KLF12: variants seen among roughly 807,000 people sequenced by gnomAD.
The protein encoded by KLF12 is KLF transcription factor 12.
Under a neutral mutation model 37.8 loss-of-function variants are expected in KLF12, and 9 were observed. The ratio of observed to expected loss-of-function variants is 0.24; its 90% CI spans 0.14 to 0.42. The LOEUF is 0.42. Ranked by LOEUF, KLF12 falls within the 10% of genes least tolerant of loss-of-function variation. The pLI is 1.00. For missense variants in KLF12, 411 were observed against 516.0 expected, an observed-to-expected ratio of 0.80 and a Z score of 1.97; for synonymous variants, 208 against 202.1, an observed-to-expected ratio of 1.03 and a Z score of -0.25.
At chr13:73,904,354 G>A (rs1252528712) in intron 3 of KLF12, among the ~76,000 whole-genome samples, 1 of 151,602 alleles carries the variant, frequency 6.6e-6, no homozygotes, top group Non-Finnish European at 1.5e-5. Context: ...TTCCTTGGAT[G>A]GTTTAATCTA....
chr13:73,942,348 T>A (rs1272776567), intron 3 of KLF12, among the ~76,000 whole-genome samples: 2 of 152,108 alleles, frequency 1.3e-5, no homozygotes, highest in African/African-American at 4.8e-5. Flanking sequence ...TTTTTTCCCA[T>A]GAGCAGTGGG....
chr13:73,765,923 T>C (rs1022633108), intron 5 of KLF12, among the ~76,000 whole-genome samples: 1 of 152,222 alleles, frequency 6.6e-6, no homozygotes, highest in African/African-American at 2.4e-5. Flanking sequence ...AAAGTCCAGT[T>C]AGAACCAAGG....
Position 73,925,243 on chromosome 13 carries a change from A to G in KLF12, c.123+18738T>C, listed in dbSNP as rs1889319613. Among the ~76,000 whole-genome samples the G allele has an allele frequency of 2.0e-5, 3 of 152,252 alleles. No homozygotes were observed. In the South Asian group the frequency reaches 6.2e-4, roughly 31 times the overall value. On this transcript the variant is annotated intron_variant, in intron 3 of 7. Transcript: ENST00000377669. Reference sequence around the variant, plus strand: ...GCATCTAGGACTTGCATAGCAAGAGAGGAGTCAATGCCTGGCTTCAAAGCA... The same window carrying G: ...GCATCTAGGACTTGCATAGCAAGAGGGGAGTCAATGCCTGGCTTCAAAGCA...
chr13:74,215,010 T>C, the KLF12 span, among the ~76,000 whole-genome samples: 2 of 152,212 alleles, frequency 1.3e-5, no homozygotes, highest in Admixed American at 1.3e-4. Flanking sequence ...GCCAGGCTGG[T>C]CTCGAACTCC....
At chr13:73,701,513 A>T (rs943788525) in intron 7 of KLF12, among the ~76,000 whole-genome samples, 1 of 152,192 alleles carries the variant, frequency 6.6e-6, no homozygotes, top group African/African-American at 2.4e-5. Context: ...TTTCTGAATA[A>T]TCTAAAGTTT....
At chr13:73,978,235 G>A (rs527340291) in intron 2 of KLF12, among the ~76,000 whole-genome samples, 11 of 152,018 alleles carry the variant, frequency 7.2e-5, no homozygotes, top group East Asian at 5.8e-4. Context: ...TGTAAAGACC[G>A]TTATCCAAAA....
the KLF12 span, among the ~76,000 whole-genome samples, chr13:74,226,990 A>T: frequency 1.3e-5 from 2 of 152,256 alleles, no homozygotes; most frequent in East Asian, 3.9e-4. Flanking sequence ...TTTTCTGCAT[A>T]CTGCTCAGAC....
the KLF12 span, among the ~76,000 whole-genome samples, chr13:74,167,383 T>C: frequency 6.6e-6 from 1 of 152,224 alleles, no homozygotes; most frequent in African/African-American, 2.4e-5. Context: ...TAAGGTCAAG[T>C]GGAAATAGCT....
At chr13:74,113,787 A>T (rs1877120357) in intron 1 of KLF12, among the ~76,000 whole-genome samples, 1 of 152,226 alleles carries the variant, frequency 6.6e-6, no homozygotes, top group Non-Finnish European at 1.5e-5. Flanking sequence ...GTAAAGATAT[A>T]CTTGCCATAG....
chr13:73,817,500 A>G (rs150491199), intron 4 of KLF12, among the ~76,000 whole-genome samples: 2 of 152,200 alleles, frequency 1.3e-5, no homozygotes, highest in Non-Finnish European at 2.9e-5. Flanking sequence ...GATGAACTAC[A>G]ACTACAATTA....
intron 3 of KLF12, among the ~76,000 whole-genome samples, chr13:73,855,343 TG>T (rs1398346607): frequency 1.3e-5 from 2 of 152,160 alleles, no homozygotes; most frequent in Non-Finnish European, 2.9e-5. Context: ...ACGTGGTATT[TG>T]GTTTTCTGTT....
chr13:73,902,629 A>G (rs1287217573), intron 3 of KLF12, among the ~76,000 whole-genome samples: 1 of 152,234 alleles, frequency 6.6e-6, no homozygotes, highest in Admixed American at 6.5e-5. Context: ...AAAACATTCT[A>G]AAGTGTTCTT....
chr13:73,740,576 A>T (rs1221547039), intron 6 of KLF12, among the ~76,000 whole-genome samples: 4 of 152,122 alleles, frequency 2.6e-5, no homozygotes, highest in African/African-American at 4.8e-5. Flanking sequence ...CCTAGCCTCA[A>T]ATGATCCTTC....
chr13:73,960,797 T>C (rs891315737), intron 2 of KLF12, among the ~76,000 whole-genome samples: 1 of 152,224 alleles, frequency 6.6e-6, no homozygotes, highest in Admixed American at 6.5e-5. Context: ...ATCTATGTTA[T>C]ACTGTTAACT....
intron 3 of KLF12, among the ~76,000 whole-genome samples, chr13:73,880,618 C>G (rs770763009): frequency 6.6e-6 from 1 of 152,090 alleles, no homozygotes; most frequent in Non-Finnish European, 1.5e-5. Context: ...ACTCTAGGAG[C>G]TGGAAAGCAA....
intron 4 of KLF12, among the ~76,000 whole-genome samples, chr13:73,834,748 G>C (rs1242540308): frequency 3.3e-5 from 5 of 152,168 alleles, no homozygotes; most frequent in Non-Finnish European, 7.3e-5. Flanking sequence ...CTGACCTCAA[G>C]TGATCCACCC....
intron 1 of KLF12, among the ~76,000 whole-genome samples, chr13:74,049,444 G>C (rs1038540555): frequency 9.2e-5 from 14 of 152,140 alleles, no homozygotes; most frequent in African/African-American, 3.4e-4. Flanking sequence ...GCACAGACTA[G>C]CTCAGAGCTT....
intron 3 of KLF12, among the ~76,000 whole-genome samples, chr13:73,872,722 C>T (rs566204958): frequency 1.3e-5 from 2 of 152,322 alleles, no homozygotes; most frequent in East Asian, 3.9e-4. Flanking sequence ...GCTCCATCTG[C>T]TCTTAAAATT....
rs1295941325 is a variant in KLF12 at position 73,893,208 on chromosome 13, C to T, written c.124-46835G>A. Among the ~76,000 whole-genome samples, 3 of 151,918 alleles carry T rather than the reference C, an allele frequency of 2.0e-5. No individual in the cohort carries two copies. In the East Asian group the frequency reaches 5.8e-4, roughly 29 times the overall value. On this transcript the variant is annotated intron_variant, in intron 3 of 7. Coordinates refer to ENST00000377669, the MANE Select transcript of KLF12 (RefSeq NM_007249.5). ...AGAGGGGCACCTTCAAATCTCTTTTCTAATGACTAAATAAACACAATCCAT... is the reference window on the plus strand; with the variant it reads ...AGAGGGGCACCTTCAAATCTCTTTTTTAATGACTAAATAAACACAATCCAT...
Sources: allele counts gnomAD v4.1 joint callset (sites outside exome capture counted in the v4.1 genomes callset), GRCh38; gene constraint gnomAD v4.1.1; transcripts MANE v1.5; gene names NCBI Gene and HGNC (gene_info 2026-07-23, HGNC 2026-07-21).